The following RADIL variants were observed in gnomAD, a reference collection of about 807,000 sequenced individuals.
RADIL encodes the protein ras-associating and dilute domain-containing protein.
Under a neutral mutation model 97.6 loss-of-function variants are expected in RADIL, and 99 were observed. The observed-to-expected ratio is 1.01, with a 90% CI of 0.86 to 1.20. RADIL has a LOEUF of 1.20. Among genes scored for constraint, RADIL ranks in the 50% most tolerant of loss-of-function variants. The pLI is 0.00. For synonymous variants in RADIL, 803 were observed against 691.8 expected, an observed-to-expected ratio of 1.16 and a Z score of -2.52; for missense variants, 1,765 against 1,498.9, an observed-to-expected ratio of 1.18 and a Z score of -2.93.
At chr7:4,874,928 C>G (rs1784335495) in intron 2 of RADIL, among the ~76,000 whole-genome samples, 2 of 151,792 alleles carry the variant, frequency 1.3e-5, no homozygotes, top group Non-Finnish European at 2.9e-5. Context: ...CGCGGTGGCT[C>G]ACGCCTGTAA....
rs897848045 is a variant in RADIL at position 4,798,043 on chromosome 7, T to C, written c.*1335A>G. ...AAAATGTTTATAAAATATACGAATA[T>C]ATTACGTATACATGAATATGTAATA... On this transcript the variant is annotated 3_prime_UTR_variant, in exon 15 of 15. Transcript: ENST00000399583. 6.7e-6 allele frequency: 1 copy of C among 148,200 alleles called. No homozygotes were observed. Among genetic ancestry groups the C allele is most frequent in the Non-Finnish European group, 1.5e-5 (1 of 67,264 alleles). 9.2% of individuals were successfully genotyped at this position (148,200 alleles called of 1,614,324 possible).
In RADIL at chr7:4,799,066, C is replaced by A. The variant is rs112572708; in HGVS notation, c.*312G>T. 8.2e-6 allele frequency: 3 copies of A among 366,106 alleles called. No homozygotes were observed. The highest frequency in any genetic ancestry group is 6.3e-5 in the African/African-American group (3 of 47,696). 22.7% of individuals were successfully genotyped at this position (366,106 alleles called of 1,614,324 possible). ...CCCTGCGGCCCCTCCGAGCAGCCCA[C>A]GCCTGCTGCCCGAGTTGAGACCCCA... On this transcript the variant is annotated 3_prime_UTR_variant, in exon 15 of 15. Coordinates refer to ENST00000399583, the MANE Select transcript of RADIL (RefSeq NM_018059.5).
At chr7:4,827,455 A>G (rs989385301) in intron 5 of RADIL, among the ~76,000 whole-genome samples, 8 of 151,088 alleles carry the variant, frequency 5.3e-5, no homozygotes, top group African/African-American at 1.9e-4. Flanking sequence ...AGGTCAGGCG[A>G]TCAAGACCAT....
At chr7:4,876,367 C>T (rs965205689) in intron 2 of RADIL, among the ~76,000 whole-genome samples, 3 of 152,034 alleles carry the variant, frequency 2.0e-5, no homozygotes, top group South Asian at 4.1e-4. Flanking sequence ...ATGGCATGAT[C>T]TCGGCTCACT....
At chr7:4,846,574 T>C (rs1330929370) in intron 2 of RADIL, among the ~76,000 whole-genome samples, 1 of 149,990 alleles carries the variant, frequency 6.7e-6, no homozygotes, top group Non-Finnish European at 1.5e-5. Flanking sequence ...AGACGAAGTC[T>C]TGCTCTTGTT....
rs557667905 is a variant in RADIL at position 4,817,436 on chromosome 7, T to C, written c.1616-85A>G. ...CTCAGCCAGCCGCCAGCTCTTTCCCTGGCGCGGGCACCACCCAACGCGCCC... is the reference window on the plus strand; with the variant it reads ...CTCAGCCAGCCGCCAGCTCTTTCCCCGGCGCGGGCACCACCCAACGCGCCC... On this transcript the variant is annotated intron_variant, in intron 6 of 14. Transcript: ENST00000399583. This position sits in a 1 kb window ranked among gnomAD's most constrained non-coding sequence, Gnocchi z 8.3. The C allele has an allele frequency of 1.2e-3, 1,484 of 1,241,942 alleles. No homozygotes were observed. Among genetic ancestry groups the C allele is most frequent in the Non-Finnish European group, 1.4e-3 (1,273 of 891,372 alleles). The allele number at this position is 1,241,942 out of a possible 1,614,324, so 76.9% of individuals were successfully genotyped here.
At chr7:4,858,669 T>G (rs113586975) in intron 2 of RADIL, 3 of 152,762 alleles carry the variant, frequency 2.0e-5, no homozygotes, top group African/African-American at 7.2e-5. Context: ...ACTTCTCATA[T>G]GCAGTGATCA....
chr7:4,804,318 G>C (rs1234364335), intron 10 of RADIL, among the ~76,000 whole-genome samples: 1 of 152,258 alleles, frequency 6.6e-6, no homozygotes, highest in African/African-American at 2.4e-5. Flanking sequence ...GACTTAGAAG[G>C]TGTCAGGTGG....
intron 2 of RADIL, among the ~76,000 whole-genome samples, chr7:4,847,934 G>A (rs1783615493): frequency 2.0e-5 from 3 of 152,052 alleles, no homozygotes; most frequent in Admixed American, 1.3e-4. Flanking sequence ...AGTGGCTCTC[G>A]CCTGTAATCC....
chr7:4,830,793 T>C (rs1159519616), intron 5 of RADIL, among the ~76,000 whole-genome samples: 1 of 151,940 alleles, frequency 6.6e-6, no homozygotes, highest in African/African-American at 2.4e-5. Flanking sequence ...GGCGGGTGGA[T>C]CACAAGGTCA....
intron 10 of RADIL, among the ~76,000 whole-genome samples, chr7:4,804,570 T>C (rs1016720194): frequency 1.3e-5 from 2 of 152,196 alleles, no homozygotes; most frequent in South Asian, 2.1e-4. Context: ...GCAGATCGCC[T>C]GAGGTCAGGA....
rs560724770 is a variant in RADIL, at chr7:4,819,577, G to A, written c.1616-2226C>T. Among the ~76,000 whole-genome samples the A allele has an allele frequency of 3.3e-5, 5 of 152,288 alleles. No individual in the cohort carries two copies. Among genetic ancestry groups the A allele is most frequent in the East Asian group, 1.9e-4 (1 of 5,178 alleles). ...TCCAGCCACGAGGAGAATCTGAGGCGCACACGATGGTGTGAGGCGGCGCGG... is the reference window on the plus strand; with the variant it reads ...TCCAGCCACGAGGAGAATCTGAGGCACACACGATGGTGTGAGGCGGCGCGG... On this transcript the variant is annotated intron_variant, in intron 6 of 14. Coordinates refer to ENST00000399583, the MANE Select transcript of RADIL (RefSeq NM_018059.5). The surrounding 1 kb of genome is among the most constrained non-coding windows in gnomAD (Gnocchi z 5.8).
chr7:4,827,532 G>A (rs539711121), intron 5 of RADIL, among the ~76,000 whole-genome samples: 19 of 152,102 alleles, frequency 1.2e-4, no homozygotes, highest in African/African-American at 4.3e-4. Context: ...GTGGTTGCAG[G>A]CGCCTGTAGT....
chr7:4,866,454 CA>C (rs57585588), intron 2 of RADIL, among the ~76,000 whole-genome samples: 61,235 of 151,788 alleles, frequency 0.4, 12,987 homozygotes, highest in African/African-American at 0.52. Flanking sequence ...TAAATGAGAA[CA>C]AAAAAAATAT....
At chr7:4,866,699 C>A (rs947098142) in intron 2 of RADIL, among the ~76,000 whole-genome samples, 1 of 152,186 alleles carries the variant, frequency 6.6e-6, no homozygotes, top group African/African-American at 2.4e-5. Context: ...GAGACTTATC[C>A]TGGGTCAGTG....
At chr7:4,875,614 C>T (rs1276323905) in intron 2 of RADIL, among the ~76,000 whole-genome samples, 1 of 152,240 alleles carries the variant, frequency 6.6e-6, no homozygotes, top group Admixed American at 6.5e-5. Context: ...CTCTGCAGCC[C>T]CAAGGTGGCC....
chr7:4,800,538 G>A (rs368858160), intron 12 of RADIL, among the ~76,000 whole-genome samples: 7 of 152,080 alleles, frequency 4.6e-5, no homozygotes, highest in South Asian at 4.1e-4. Context: ...CTCAGTCCCC[G>A]CCCCTGGCAG....
chr7:4,816,402 T>C lies in RADIL; in HGVS notation c.1792A>G (p.Ser598Gly). ...CPPFQTERRE[S>G]WSSAPELPEE... ...GGCAGTTCGGGGGCCGAGGACCAGC[T>C]CTCACGGCGCTCCGTCTGGAATGGC... is the stretch of plus-strand genomic sequence containing the variant. The change falls in exon 8 of 15, where the codon AGC becomes GGC. Residue 598 changes from serine to glycine, a missense_variant. Physicochemically the swap from Ser to Gly is moderately conservative, Grantham distance 56 (BLOSUM62 0). Transcript: ENST00000399583. The C allele has an allele frequency of 6.2e-7, 1 of 1,609,252 alleles. No homozygotes were observed. Among genetic ancestry groups the C allele is most frequent in the Non-Finnish European group, 8.5e-7 (1 of 1,178,730 alleles).
In RADIL at chr7:4,835,169, C is replaced by A. The variant is rs1188349467; in HGVS notation, c.854G>T (p.Ser285Ile). 2.5e-6 allele frequency: 4 copies of A among 1,611,642 alleles called. No individual in the cohort carries two copies. The highest frequency in any genetic ancestry group is 1.3e-5 in the African/African-American group (1 of 75,030). The change falls in exon 4 of 15, where the codon AGC becomes ATC. Residue 285 changes from serine (S) to isoleucine (I), a missense_variant. By Grantham distance (142) the Ser-to-Ile change is moderately radical (BLOSUM62 -2). Transcript: ENST00000399583. The surrounding 1 kb of genome is among the most constrained non-coding windows in gnomAD (Gnocchi z 5.8). ...GATGTCGGGGGCTGAGAGGCTGATGCTGGGCTTGCTGGAGGGGGTCCGCTG... is the reference window on the plus strand; with the variant it reads ...GATGTCGGGGGCTGAGAGGCTGATGATGGGCTTGCTGGAGGGGGTCCGCTG... Reference protein sequence around the residue: ...VGQRTPSSKPSISLSAPDILP... With the variant: ...VGQRTPSSKPIISLSAPDILP...
Sources: gnomAD v4.1 joint callset for allele counts (sites outside exome capture counted in the v4.1 genomes callset) on GRCh38, gnomAD v4.1.1 for gene constraint, Gnocchi (gnomAD v3.1) non-coding constraint, MANE v1.5 for transcripts, NCBI Gene and HGNC (gene_info 2026-07-23, HGNC 2026-07-21) for gene names.